PTAR1: variants seen among roughly 807,000 people sequenced by gnomAD.
PTAR1 encodes protein prenyltransferase alpha subunit repeat-containing protein 1.
In PTAR1, 17 loss-of-function variants were observed where a neutral mutation model predicts 45.5. The observed-to-expected ratio is 0.37, with a 90% confidence interval of 0.26 to 0.56. PTAR1 has a LOEUF of 0.56. Among genes scored for constraint, PTAR1 ranks in the 20% least tolerant of loss-of-function variants. The pLI is 0.77. For missense variants in PTAR1, 391 were observed against 476.3 expected (o/e 0.82, Z 1.67); for synonymous variants, 169 against 171.3 (o/e 0.99, Z 0.11).
chr9:69,743,790 A>G (rs1028423111), intron 2 of PTAR1, among the ~76,000 whole-genome samples: 3 of 152,222 alleles, frequency 2.0e-5, no homozygotes, highest in Non-Finnish European at 4.4e-5. Flanking sequence ...GATTGAATGT[A>G]ATGATAAACA....
At position 69,713,111 on chromosome 9, in the gene PTAR1, A is replaced by G. The variant is rs1332474745; in HGVS notation, c.*5231T>C. ...CGTCAGGGTTAGCTTTCTGGACAATAGAATCATCCAGAAAGCACAAATTAT... is the reference window on the plus strand; with the variant it reads ...CGTCAGGGTTAGCTTTCTGGACAATGGAATCATCCAGAAAGCACAAATTAT... On this transcript the variant is annotated 3_prime_UTR_variant, in exon 8 of 8. Coordinates refer to ENST00000340434, the MANE Select transcript of PTAR1 (RefSeq NM_001099666.2). 6.6e-6 allele frequency: 1 copy of G among 152,180 alleles called. No homozygotes were observed. Among genetic ancestry groups the G allele is most frequent in the Non-Finnish European group, 1.5e-5 (1 of 68,022 alleles). The allele number at this position is 152,180 out of a possible 1,614,324, so 9.4% of individuals were successfully genotyped here. A position where few individuals can be genotyped will look rare whatever the true frequency, so the allele number is the denominator to read the frequency against.
intron 1 of PTAR1, among the ~76,000 whole-genome samples, chr9:69,754,784 GC>G (rs1285960287): frequency 6.6e-6 from 1 of 150,618 alleles, no homozygotes; most frequent in African/African-American, 2.4e-5. Flanking sequence ...CAAACTCCTG[GC>G]CTCAAGTGAT....
At chr9:69,718,956 A>T (rs1824855226) in intron 6 of PTAR1, among the ~76,000 whole-genome samples, 1 of 152,206 alleles carries the variant, frequency 6.6e-6, no homozygotes, top group Admixed American at 6.5e-5. Context: ...GATGACAATG[A>T]CTTGGAGATG....
At chr9:69,731,927 T>C in intron 5 of PTAR1, 1 of 570,364 alleles carries the variant, frequency 1.8e-6, no homozygotes, top group Non-Finnish European at 3.1e-6. Flanking sequence ...ACCAATGCAC[T>C]AGCCTTAAGA....
At chr9:69,731,567 A>G (rs1318834701) in intron 5 of PTAR1, among the ~76,000 whole-genome samples, 1 of 152,184 alleles carries the variant, frequency 6.6e-6, no homozygotes, top group Non-Finnish European at 1.5e-5. Flanking sequence ...GAGTTTCCAA[A>G]CTGGCTCTGC....
chr9:69,751,430 T>C (rs1488569481), intron 1 of PTAR1, among the ~76,000 whole-genome samples: 1 of 151,882 alleles, frequency 6.6e-6, no homozygotes, highest in Non-Finnish European at 1.5e-5. Context: ...GTTGCCAAGA[T>C]ATATGAAATG....
rs758664175 is a variant in PTAR1 at position 69,741,840 on chromosome 9, C to A, written c.275G>T (p.Cys92Phe). The A allele has an allele frequency of 6.3e-7, 1 of 1,596,064 alleles. No homozygotes were observed. The highest frequency in any genetic ancestry group is 1.7e-5 in the Admixed American group (1 of 58,524). Residue 92 changes from cysteine (C) to phenylalanine (F), a missense_variant, in exon 3 of 8, where the codon TGT becomes TTT. Around this residue, in one of 5 missense-constraint regions of PTAR1, gnomAD observed 152 missense variants for 160.0 expected, o/e 0.95. Coordinates refer to ENST00000340434, the MANE Select transcript of PTAR1 (RefSeq NM_001099666.2). ...LNRDELIDVT[C>F]TLLLLNPDFT... ...GTCTGGGTTTAGAAGCAGCAGGGTA[C>A]ATGTGACATCTATCAATTCTAAAAT...
Position 69,715,541 on chromosome 9 carries a change from G to A in PTAR1, c.*2801C>T, listed in dbSNP as rs1466090836. Reference sequence around the variant, plus strand: ...AGAGCTTAATGCTTTTTGCTTGTCAGTAGTATTCTTAATCCACAGTAGGAT... The same window carrying A: ...AGAGCTTAATGCTTTTTGCTTGTCAATAGTATTCTTAATCCACAGTAGGAT... On this transcript the variant is annotated 3_prime_UTR_variant, in exon 8 of 8. Coordinates refer to ENST00000340434, the MANE Select transcript of PTAR1 (RefSeq NM_001099666.2). 6.6e-6 allele frequency: 1 copy of A among 152,124 alleles called. No individual in the cohort carries two copies. The highest frequency in any genetic ancestry group is 1.5e-5 in the Non-Finnish European group (1 of 68,004). The allele number at this position is 152,124 out of a possible 1,614,324, so 9.4% of individuals were successfully genotyped here. A position where few individuals can be genotyped will look rare whatever the true frequency, so the allele number is the denominator to read the frequency against.
At chr9:69,735,024 A>C (rs750758308) in intron 3 of PTAR1, among the ~76,000 whole-genome samples, 1 of 152,206 alleles carries the variant, frequency 6.6e-6, no homozygotes, top group Non-Finnish European at 1.5e-5. Context: ...CTTTGTGCTT[A>C]TAACTTCTTT....
chr9:69,750,884 T>G lies in PTAR1; in HGVS notation c.153A>C (p.Glu51Asp). The G allele has an allele frequency of 6.2e-7, 1 of 1,610,554 alleles. No homozygotes were observed. Among genetic ancestry groups the G allele is most frequent in the Non-Finnish European group, 8.5e-7 (1 of 1,178,082 alleles). ...RYNRSPIVLV[E>D]NKLGVESWCV... ...ACCAGCTCTCCACACCCAGTTTGTT[T>G]TCAACCAGGACTATGGGACTCCGGT... The change falls in exon 2 of 8, where the codon GAA becomes GAC. Residue 51 changes from glutamate (E) to aspartate (D), a missense_variant. Glu to Asp is a conservative substitution (Grantham distance 45, BLOSUM62 2). Transcript: ENST00000340434.
chr9:69,737,131 G>A (rs1825824076), intron 3 of PTAR1, among the ~76,000 whole-genome samples: 1 of 151,960 alleles, frequency 6.6e-6, no homozygotes, highest in Non-Finnish European at 1.5e-5. Context: ...CCAGGCTGGA[G>A]TACAGTGGCA....
At chr9:69,743,963 A>G (rs541618378) in intron 2 of PTAR1, among the ~76,000 whole-genome samples, 1 of 152,344 alleles carries the variant, frequency 6.6e-6, no homozygotes, top group South Asian at 2.1e-4. Flanking sequence ...GAAGACTGTA[A>G]ATAAATAAAG....
chr9:69,721,742 A>G (rs1171015280), intron 6 of PTAR1, among the ~76,000 whole-genome samples: 1 of 152,224 alleles, frequency 6.6e-6, no homozygotes, highest in Non-Finnish European at 1.5e-5. Context: ...CCAGCAAAAG[A>G]TTGCAACTTG....
At position 69,718,509 on chromosome 9, in the gene PTAR1, C is replaced by G; in HGVS notation, c.1042G>C (p.Gly348Arg). ...AGGCGTTTGGTTTCCTGGGAATAGC[C>G]TTGCTTGCTAGAGTCATTCAGTCCA... is the stretch of plus-strand genomic sequence containing the variant. ...VDGLNDSSKQ[G>R]YSQETKRLKR... Residue 348 changes from glycine to arginine, a missense_variant, in exon 8 of 8, where the codon GGC becomes CGC. Coordinates refer to ENST00000340434, the MANE Select transcript of PTAR1 (RefSeq NM_001099666.2). 1 of 1,613,740 alleles carries G rather than the reference C, an allele frequency of 6.2e-7. No homozygotes were observed. Among genetic ancestry groups the G allele is most frequent in the South Asian group, 1.1e-5 (1 of 91,076 alleles).
At chr9:69,740,574 A>T (rs1426155478) in intron 3 of PTAR1, among the ~76,000 whole-genome samples, 1 of 151,626 alleles carries the variant, frequency 6.6e-6, no homozygotes, top group Admixed American at 6.6e-5. Context: ...TTTTCACTGA[A>T]TTTGATTTCC....
rs1826057144 is a variant in PTAR1, at chr9:69,741,856, A to T, written c.259T>A (p.Leu87Met). The change falls in exon 3 of 8, where the codon TTG (leucine) becomes ATG (methionine). Residue 87 changes from leucine (L) to methionine (M), a missense_variant and splice_region_variant. Leu to Met is a conservative substitution (Grantham distance 15). This residue lies in a region of PTAR1 where 152 missense variants were observed against 160.0 expected (regional missense o/e 0.95). Transcript: ENST00000340434. ...TRKQWLNRDE[L>M]IDVTCTLLLL... ...AGCAGGGTACATGTGACATCTATCA[A>T]TTCTAAAATAAAGAGAAGTCATATT... 1 of 1,582,624 alleles carries T rather than the reference A, an allele frequency of 6.3e-7. No individual in the cohort carries two copies. The highest frequency in any genetic ancestry group is 8.6e-7 in the Non-Finnish European group (1 of 1,159,254).
intron 5 of PTAR1, among the ~76,000 whole-genome samples, chr9:69,727,668 A>G (rs1825350478): frequency 6.6e-6 from 1 of 152,066 alleles, no homozygotes; most frequent in South Asian, 2.1e-4. Flanking sequence ...TTGTTTCTGG[A>G]CTTTATATTC....
chr9:69,719,533 A>G (rs961278727), intron 6 of PTAR1, among the ~76,000 whole-genome samples: 3 of 152,184 alleles, frequency 2.0e-5, no homozygotes, highest in Non-Finnish European at 4.4e-5. Flanking sequence ...GCAGACAGGG[A>G]GCACATAATG....
At chr9:69,740,347 T>G (rs75719517) in intron 3 of PTAR1, among the ~76,000 whole-genome samples, 5,073 of 152,182 alleles carry the variant, frequency 0.033, 127 homozygotes, top group Non-Finnish European at 0.049. Context: ...TTTTTTCTCC[T>G]ATGCTCAACG....
Sources: gnomAD v4.1 joint callset for allele counts (sites outside exome capture counted in the v4.1 genomes callset) on GRCh38, gnomAD v4.1.1 for gene constraint, gnomAD v4.1.1 regional missense constraint, MANE v1.5 for transcripts, NCBI Gene and HGNC (gene_info 2026-07-23, HGNC 2026-07-21) for gene names.